Variants in EZR observed in about 807,000 individuals in gnomAD.
The protein encoded by EZR is ezrin, also known as cytovillin 2.
EZR carries 40 observed loss-of-function variants against 74.8 expected under a neutral mutation model. The ratio of observed to expected loss-of-function variants is 0.53; its 90% CI spans 0.42 to 0.70. The LOEUF (loss-of-function observed/expected upper bound fraction) is 0.70. Among genes scored for constraint, EZR ranks in the 30% least tolerant of loss-of-function variants. EZR has a pLI of 0.00. For missense variants in EZR, 678 were observed against 755.8 expected, an observed-to-expected ratio of 0.90 and a Z score of 1.21; for synonymous variants, 341 against 283.3, an observed-to-expected ratio of 1.20 and a Z score of -2.05.
In EZR at chr6:158,784,636, G is replaced by A. The variant is rs3103003; in HGVS notation, c.551+8C>T. 928,096 of 1,609,898 alleles carry A rather than the reference G, an allele frequency of 0.58. 277,791 individuals are homozygous for A. The highest frequency in any genetic ancestry group is 0.62 in the Non-Finnish European group (731,247 of 1,176,404). On this transcript the variant is annotated splice_region_variant and intron_variant, in intron 6 of 13. Coordinates refer to ENST00000367075, the MANE Select transcript of EZR (RefSeq NM_001111077.2). ...GGCAAGATCCCAACAGCAGGGCACAGCACTCACTTGAGCATCCCACGGTGT... is the reference window on the plus strand; with the variant it reads ...GGCAAGATCCCAACAGCAGGGCACAACACTCACTTGAGCATCCCACGGTGT...
intron 7 of EZR, among the ~76,000 whole-genome samples, chr6:158,776,930 A>G (rs1468009979): frequency 6.6e-6 from 1 of 152,092 alleles, no homozygotes; most frequent in Non-Finnish European, 1.5e-5. Flanking sequence ...CCCTACTTTC[A>G]GTCTGCTGAT....
At chr6:158,781,235 G>T (rs192538644) in intron 7 of EZR, among the ~76,000 whole-genome samples, 1 of 152,284 alleles carries the variant, frequency 6.6e-6, no homozygotes, top group African/African-American at 2.4e-5. Flanking sequence ...AAAAGGGAAA[G>T]AATTTGGGCC....
At chr6:158,793,874 T>C (rs1326776948) in intron 2 of EZR, among the ~76,000 whole-genome samples, 1 of 152,260 alleles carries the variant, frequency 6.6e-6, no homozygotes, top group African/African-American at 2.4e-5. Context: ...AATAATGTGC[T>C]ACAATACAGC....
chr6:158,767,689 G>A (rs562285994), intron 12 of EZR, among the ~76,000 whole-genome samples, 177 bp from the exon 13 acceptor site: 46 of 152,302 alleles, frequency 3.0e-4, no homozygotes, highest in Non-Finnish European at 5.6e-4. Flanking sequence ...AACCCTCTGC[G>A]TCCAAGACAG....
At position 158,771,421 on chromosome 6, in the gene EZR, C is replaced by A. The variant is rs377115707; in HGVS notation, c.796-14G>T. On this transcript the variant is annotated splice_polypyrimidine_tract_variant and intron_variant, in intron 8 of 13. Transcript: ENST00000367075. ...AAACACAAAGTCCTACAAAACAGAA[C>A]AGGGCCACCTGGACTCAAGCTCCTT... 1.4e-4 allele frequency: 228 copies of A among 1,584,610 alleles called. No homozygotes were observed. The African/African-American group carries it at 2.8e-3, about 20-fold the overall frequency.
chr6:158,774,818 CTGA>C (rs1367203933), intron 8 of EZR, among the ~76,000 whole-genome samples: 1 of 151,854 alleles, frequency 6.6e-6, no homozygotes, highest in African/African-American at 2.4e-5. Context: ...TAGTAGCCTA[CTGA>C]TGAAGAGATT....
At chr6:158,775,167 A>C (rs1583560206) in intron 8 of EZR, among the ~76,000 whole-genome samples, 1 of 151,366 alleles carries the variant, frequency 6.6e-6, no homozygotes, top group East Asian at 2.0e-4. Context: ...CGAGCAGCTG[A>C]GATTACAGGC....
chr6:158,818,197 C>G, intron 1 of EZR, 31 bp from the exon 2 acceptor site: 1 of 1,288,642 alleles, frequency 7.8e-7, no homozygotes, highest in Non-Finnish European at 1.1e-6. Flanking sequence ...TTAGAGCGCC[C>G]GCCCGCCCTG....
intron 7 of EZR, among the ~76,000 whole-genome samples, chr6:158,781,665 T>A (rs1022870877): frequency 6.6e-6 from 1 of 152,228 alleles, no homozygotes; most frequent in Non-Finnish European, 1.5e-5. Flanking sequence ...GAGGACTTTG[T>A]GCACTGCTCC....
rs147757313 is a variant in EZR at position 158,798,622 on chromosome 6, C to CT, written c.13-9252dup. Among the ~76,000 whole-genome samples the CT allele has an allele frequency of 9.8e-3, 1,193 of 122,022 alleles. 7 individuals are homozygous for CT. Among genetic ancestry groups the CT allele is most frequent in the East Asian group, 0.022 (83 of 3,772 alleles). The allele number at this position is 122,022 out of a possible 152,430, so 80.1% of individuals were successfully genotyped here. A position where few individuals can be genotyped will look rare whatever the true frequency, so the allele number is the denominator to read the frequency against. ...AAAAGGGACTTAGTTTGCTGCTCCGCTTTTTTTTTTTTTTTTTTTTTTTTT... is the reference window on the plus strand; with the variant it reads ...AAAAGGGACTTAGTTTGCTGCTCCGCTTTTTTTTTTTTTTTTTTTTTTTTTT... On this transcript the variant is annotated intron_variant, in intron 2 of 13. Coordinates refer to ENST00000367075, the MANE Select transcript of EZR (RefSeq NM_001111077.2).
intron 2 of EZR, among the ~76,000 whole-genome samples, chr6:158,802,016 T>C (rs1372983059): frequency 6.6e-6 from 1 of 152,196 alleles, no homozygotes; most frequent in South Asian, 2.1e-4. Context: ...TAATGACAGT[T>C]AATGGAATGA....
chr6:158,768,184 G>A (rs1338670631), intron 12 of EZR, among the ~76,000 whole-genome samples: 1 of 151,936 alleles, frequency 6.6e-6, no homozygotes, highest in East Asian at 2.0e-4. Context: ...TAGTGGGTGG[G>A]TTCTGAGCAA....
At chr6:158,791,726 T>TTTTTTTTG (rs1791754014) in intron 2 of EZR, among the ~76,000 whole-genome samples, 3 of 147,224 alleles carry the variant, frequency 2.0e-5, no homozygotes, top group South Asian at 2.2e-4. Context: ...TTTTTTTTTT[T>TTTTTTTTG]GAGACAGAGT....
intron 8 of EZR, among the ~76,000 whole-genome samples, chr6:158,773,882 G>GC (rs1179362463): frequency 4.6e-5 from 7 of 152,228 alleles, no homozygotes; most frequent in Non-Finnish European, 1.0e-4. Context: ...AGCCGCCTCA[G>GC]CCCCTCATAG....
In EZR at chr6:158,768,660, C is replaced by T. The variant is rs555692947; in HGVS notation, c.1344+666G>A. On this transcript the variant is annotated intron_variant, in intron 12 of 13. Transcript: ENST00000367075. Reference sequence around the variant, plus strand: ...CCTGGAGGGCACAGGGGATCCCAGACGGAGCGACAAGCTCTGTGTGCGTCC... The same window carrying T: ...CCTGGAGGGCACAGGGGATCCCAGATGGAGCGACAAGCTCTGTGTGCGTCC... 1.2e-4 allele frequency among the ~76,000 whole-genome samples: 19 copies of T among 152,284 alleles called. No homozygotes were observed. In the East Asian group the frequency reaches 1.9e-3, roughly 15 times the overall value.
Position 158,771,244 on chromosome 6 carries a change from C to T in EZR, c.959G>A (p.Arg320Gln), listed in dbSNP as rs1157801061. 21 of 1,610,508 alleles carry T rather than the reference C, an allele frequency of 1.3e-5. No individual in the cohort carries two copies. Among genetic ancestry groups the T allele is most frequent in the South Asian group, 3.3e-5 (3 of 90,510 alleles). Residue 320 changes from arginine (R) to glutamine (Q), a missense_variant and splice_region_variant, in exon 9 of 14, where the codon CGG (arginine) becomes CAG (glutamine). Coordinates refer to ENST00000367075, the MANE Select transcript of EZR (RefSeq NM_001111077.2). ...REEKHQKQLE[R>Q]QQLETEKKRR... Reference sequence around the variant, plus strand: ...CCCCACTCTGGCCTCACGCGCTCACCGCTCCAGCTGCTTCTGATGCTTCTC... The same window carrying T: ...CCCCACTCTGGCCTCACGCGCTCACTGCTCCAGCTGCTTCTGATGCTTCTC...
chr6:158,786,369 A>G (rs1374769927), intron 4 of EZR, among the ~76,000 whole-genome samples: 1 of 152,210 alleles, frequency 6.6e-6, no homozygotes, highest in Non-Finnish European at 1.5e-5. Flanking sequence ...GCAAGACTCC[A>G]TCTCAAAACA....
intron 2 of EZR, chr6:158,789,662 C>T: frequency 2.0e-6 from 1 of 504,110 alleles, no homozygotes; most frequent in Non-Finnish European, 3.9e-6. Context: ...CTCTGTCACC[C>T]AAGCTGGAGT....
rs745450636 is a variant in EZR at position 158,770,796 on chromosome 6, T to C, written c.1058A>G (p.Asp353Gly). Residue 353 changes from aspartate to glycine, a missense_variant, in exon 10 of 14, where the codon GAC (aspartate) becomes GGC (glycine). Physicochemically the swap from Asp to Gly is moderately conservative, Grantham distance 94. Around this residue, in one of 3 missense-constraint regions of EZR, gnomAD observed 342 missense variants for 341.2 expected, o/e 1.00. Transcript: ENST00000367075. Reference protein sequence around the residue: ...EKEELMLRLQDYEEKTKKAER... With the variant: ...EKEELMLRLQGYEEKTKKAER... ...TGCCTTCTTTGTCTTCTCCTCATAG[T>C]CCTGCAGCCGCAGCATCAACTCCTC... 3 of 1,614,188 alleles carry C rather than the reference T, an allele frequency of 1.9e-6. No homozygotes were observed. The highest frequency in any genetic ancestry group is 2.5e-6 in the Non-Finnish European group (3 of 1,180,022).
Sources: allele counts gnomAD v4.1 joint callset (sites outside exome capture counted in the v4.1 genomes callset), GRCh38; gene constraint gnomAD v4.1.1; regional missense constraint gnomAD v4.1.1; transcripts MANE v1.5; gene names NCBI Gene and HGNC (gene_info 2026-07-23, HGNC 2026-07-21).